DNAJA4: variants seen among roughly 807,000 people sequenced by gnomAD.
DNAJA4 encodes the protein dnaJ homolog subfamily A member 4.
In DNAJA4, 32 loss-of-function variants were observed where a neutral mutation model predicts 39.7. The ratio of observed to expected loss-of-function variants is 0.81; its 90% CI spans 0.61 to 1.08. DNAJA4 has a LOEUF of 1.08. Among genes scored for constraint, DNAJA4 ranks in the 50% least tolerant of loss-of-function variants. The probability of loss-of-function intolerance (pLI) is 0.00; values close to 1 mark genes in which losing one functional copy is unlikely to be tolerated. For synonymous variants in DNAJA4, 184 were observed against 182.4 expected (o/e 1.01, Z -0.07); for missense variants, 439 against 505.1 (o/e 0.87, Z 1.25).
At chr15:78,273,474 C>T (rs901886977) in intron 3 of DNAJA4, among the ~76,000 whole-genome samples, 4 of 152,118 alleles carry the variant, frequency 2.6e-5, no homozygotes, top group Non-Finnish European at 5.9e-5. Flanking sequence ...ATGTGCACAA[C>T]GTGCAGGTTT....
rs775828560 is a variant in DNAJA4, at chr15:78,275,641, A to G, written c.790A>G (p.Lys264Glu). 10 of 1,614,244 alleles carry G rather than the reference A, an allele frequency of 6.2e-6. No individual in the cohort carries two copies. The South Asian group carries it at 9.9e-5, about 16-fold the overall frequency. ...RRGHDLIMKM[K>E]IQLSEALCGF... ...AGGCCATGACTTGATCATGAAAATG[A>G]AAATTCAGCTTTCTGAAGCTCTTTG... The change falls in exon 5 of 7, where the codon AAA (lysine) becomes GAA (glutamate). Residue 264 changes from lysine to glutamate, a missense_variant. Physicochemically the swap from Lys to Glu is moderately conservative, Grantham distance 56. Coordinates refer to ENST00000394852, the MANE Select transcript of DNAJA4 (RefSeq NM_001130182.2).
chr15:78,267,465 G>T (rs1179810723), intron 1 of DNAJA4, among the ~76,000 whole-genome samples: 3 of 147,984 alleles, frequency 2.0e-5, no homozygotes, highest in Non-Finnish European at 3.0e-5. Flanking sequence ...CTCTGCGGGT[G>T]TTTTTTTTTT....
intron 1 of DNAJA4, among the ~76,000 whole-genome samples, chr15:78,269,266 G>A (rs192707375): frequency 6.6e-6 from 1 of 152,342 alleles, no homozygotes; most frequent in East Asian, 1.9e-4. Flanking sequence ...CTGGGGTGAG[G>A]AGGGCACATG....
intron 1 of DNAJA4, chr15:78,265,705 C>A: frequency 2.9e-6 from 2 of 697,996 alleles, no homozygotes; most frequent in Non-Finnish European, 5.2e-6. Context: ...TGAGGCATTG[C>A]AAGGAAAGGC....
chr15:78,264,802 G>C lies in DNAJA4; in HGVS notation c.39G>C (p.Val13=), dbSNP rs538624245. The C allele has an allele frequency of 2.5e-6, 4 of 1,610,174 alleles. No homozygotes were observed. The East Asian group carries it at 9.0e-5, about 36-fold the overall frequency. Residue 13 remains valine, a synonymous_variant, in exon 1 of 7, where the codon GTG becomes GTC. Transcript: ENST00000394852. ...KETQYYDILG[V]KPSASPEEIK... ...CCCAGTACTATGACATCCTGGGCGTGAAGCCCAGCGCGTCCCCGGAGGAGA... is the reference window on the plus strand; with the variant it reads ...CCCAGTACTATGACATCCTGGGCGTCAAGCCCAGCGCGTCCCCGGAGGAGA...
At chr15:78,277,710 G>A (rs983117328) in intron 5 of DNAJA4, 4 of 317,290 alleles carry the variant, frequency 1.3e-5, no homozygotes, top group Non-Finnish European at 2.4e-5. Flanking sequence ...GAGGTCCTGG[G>A]CCCCACCAAG....
chr15:78,272,145 G>A (rs2049316374), intron 2 of DNAJA4, among the ~76,000 whole-genome samples: 1 of 152,214 alleles, frequency 6.6e-6, no homozygotes, highest in South Asian at 2.1e-4. Flanking sequence ...GACCATCCTG[G>A]CTAACATGGT....
intron 5 of DNAJA4, among the ~76,000 whole-genome samples, chr15:78,277,494 C>G (rs1567119079): frequency 6.6e-6 from 1 of 152,176 alleles, no homozygotes; most frequent in Non-Finnish European, 1.5e-5. Flanking sequence ...TCCCAAGGCA[C>G]CCATTTCCTC....
At chr15:78,268,390 G>A (rs750351393) in intron 1 of DNAJA4, among the ~76,000 whole-genome samples, 2 of 152,126 alleles carry the variant, frequency 1.3e-5, no homozygotes, top group Admixed American at 6.5e-5. Flanking sequence ...AGATCTAGCT[G>A]CCTTATATAT....
Position 78,280,104 on chromosome 15 carries a change from A to G in DNAJA4, c.937A>G (p.Lys313Glu), listed in dbSNP as rs1411590395. The change falls in exon 6 of 7, where the codon AAA (lysine) becomes GAA (glutamate). Residue 313 changes from lysine (K) to glutamate (E), a missense_variant. By Grantham distance (56) the Lys-to-Glu change is moderately conservative (BLOSUM62 1). Transcript: ENST00000394852. ...GCGCGATGAAGGAATGCCCATCTAC[A>G]AAGCACCCCTGGAAAAAGGGATTCT... Reference protein sequence around the residue: ...CVRDEGMPIYKAPLEKGILII... With the variant: ...CVRDEGMPIYEAPLEKGILII... 1 of 1,614,128 alleles carries G rather than the reference A, an allele frequency of 6.2e-7. No individual in the cohort carries two copies. Among genetic ancestry groups the G allele is most frequent in the Non-Finnish European group, 8.5e-7 (1 of 1,180,048 alleles).
At chr15:78,272,522 T>C (rs1254324605) in intron 2 of DNAJA4, among the ~76,000 whole-genome samples, 2 of 152,148 alleles carry the variant, frequency 1.3e-5, no homozygotes, top group Non-Finnish European at 2.9e-5. Flanking sequence ...ATGCTGTCAG[T>C]CTTGACAGGC....
At chr15:78,271,086 G>C (rs1272767299) in intron 2 of DNAJA4, among the ~76,000 whole-genome samples, 1 of 151,874 alleles carries the variant, frequency 6.6e-6, no homozygotes. Context: ...ACCCCACCAG[G>C]TACAATTGCC....
chr15:78,273,009 T>TTA (rs2049344114), intron 2 of DNAJA4, 86 bp from the exon 3 acceptor site: 1 of 801,860 alleles, frequency 1.2e-6, no homozygotes, highest in African/African-American at 1.7e-5. Flanking sequence ...TCTGGAGACT[T>TTA]CATACAACTA....
At chr15:78,270,458 A>G (rs761341455) in intron 1 of DNAJA4, 39 bp from the exon 2 acceptor site, 29 of 1,590,486 alleles carry the variant, frequency 1.8e-5, no homozygotes, top group Non-Finnish European at 2.5e-5. Context: ...AAAACAACTG[A>G]AACTTCTCTA....
intron 5 of DNAJA4, chr15:78,278,217 T>G (rs2141465912): frequency 2.2e-6 from 1 of 456,094 alleles, no homozygotes; most frequent in East Asian, 6.9e-5. Context: ...CCTGTAGTTT[T>G]CCATGCTTGG....
chr15:78,268,714 T>C (rs1052869122), intron 1 of DNAJA4, among the ~76,000 whole-genome samples: 31 of 152,210 alleles, frequency 2.0e-4, no homozygotes, highest in African/African-American at 7.5e-4. Flanking sequence ...AATCGAGCCA[T>C]TCATCTAACA....
In DNAJA4 at chr15:78,276,459, G is replaced by GGAGGGTTGGTGTGTTCACTGTAGTT. The variant is rs1406203683; in HGVS notation, c.877+739_877+763dup. Among the ~76,000 whole-genome samples the GGAGGGTTGGTGTGTTCACTGTAGTT allele has an allele frequency of 2.0e-5, 3 of 152,346 alleles. No individual in the cohort carries two copies. The East Asian group carries it at 5.8e-4, about 29-fold the overall frequency. On this transcript the variant is annotated intron_variant, in intron 5 of 6. Coordinates refer to ENST00000394852, the MANE Select transcript of DNAJA4 (RefSeq NM_001130182.2). ...TAGACACCAGGGCACTCATCTCCCA[G>GGAGGGTTGGTGTGTTCACTGTAGTT]GAGGGTTGGTGTGTTCACTGTAGTT...
chr15:78,267,187 T>TGA (rs1555438075), intron 1 of DNAJA4, among the ~76,000 whole-genome samples: 7 of 151,900 alleles, frequency 4.6e-5, no homozygotes, highest in Middle Eastern at 6.8e-3. Context: ...TGTGAGTGTG[T>TGA]GTGTGAGTGT....
In DNAJA4 at chr15:78,264,671, G is replaced by GCGGGGGCGCGGGC. The variant is rs888194987; in HGVS notation, c.-91_-79dup. ...CGTGACCGTGACGCGCGAGCGGGCGGCGGGGGCGCGGGCCAGGGGCGCGGG... is the reference window on the plus strand; with the variant it reads ...CGTGACCGTGACGCGCGAGCGGGCGGCGGGGGCGCGGGCCGGGGGCGCGGGCCAGGGGCGCGGG... On this transcript the variant is annotated 5_prime_UTR_variant, in exon 1 of 7. Coordinates refer to ENST00000394852, the MANE Select transcript of DNAJA4 (RefSeq NM_001130182.2). 12 of 1,022,232 alleles carry GCGGGGGCGCGGGC rather than the reference G, an allele frequency of 1.2e-5. No homozygotes were observed. The highest frequency in any genetic ancestry group is 4.7e-4 in the Middle Eastern group (1 of 2,138). The allele number at this position is 1,022,232 out of a possible 1,614,324, so 63.3% of individuals were successfully genotyped here. A position where few individuals can be genotyped will look rare whatever the true frequency, so the allele number is the denominator to read the frequency against.
Sources: gnomAD v4.1 joint callset for allele counts (sites outside exome capture counted in the v4.1 genomes callset) on GRCh38, gnomAD v4.1.1 for gene constraint, MANE v1.5 for transcripts, NCBI Gene and HGNC (gene_info 2026-07-23, HGNC 2026-07-21) for gene names.